Variants in GALNT18 observed in about 807,000 individuals in gnomAD.
The protein encoded by GALNT18 is polypeptide N-acetylgalactosaminyltransferase 18.
A neutral mutation model predicts 69.5 loss-of-function variants in GALNT18; 44 were observed. That is an observed-to-expected ratio of 0.63 (90% CI 0.50 to 0.81). GALNT18 has a LOEUF of 0.81. Ranked by LOEUF, GALNT18 falls within the 40% of genes least tolerant of loss-of-function variation. GALNT18 has a pLI of 0.00. For missense variants in GALNT18, 715 were observed against 810.0 expected (o/e 0.88, Z 1.42); for synonymous variants, 364 against 318.2 (o/e 1.14, Z -1.53).
At position 11,382,132 on chromosome 11, in the gene GALNT18, G is replaced by C. The variant is rs1853935745; in HGVS notation, c.596-2868C>G. Among the ~76,000 whole-genome samples, 1 of 152,170 alleles carries C rather than the reference G, an allele frequency of 6.6e-6. No individual in the cohort carries two copies. The highest frequency in any genetic ancestry group is 1.5e-5 in the Non-Finnish European group (1 of 68,036). On this transcript the variant is annotated intron_variant, in intron 3 of 10. Transcript: ENST00000227756. This position sits in a 1 kb window ranked among gnomAD's most constrained non-coding sequence, Gnocchi z 4.3. ...TAGAGTAAAGGCTTCTGGTGGACCA[G>C]ATAGTAGAAAAATTCCATCCCCAGT...
chr11:11,336,980 AG>A (rs1026635188), intron 7 of GALNT18, among the ~76,000 whole-genome samples: 10 of 152,278 alleles, frequency 6.6e-5, no homozygotes, highest in African/African-American at 2.2e-4. Context: ...GGAGGTAAAC[AG>A]TCAAAGAGGG....
At chr11:11,359,905 G>A (rs1850606743) in intron 6 of GALNT18, among the ~76,000 whole-genome samples, 1 of 152,126 alleles carries the variant, frequency 6.6e-6, no homozygotes, top group Non-Finnish European at 1.5e-5. Flanking sequence ...TTTCCTCCAG[G>A]TTTCTAATTT....
chr11:11,566,035 C>A (rs888551666), intron 1 of GALNT18, among the ~76,000 whole-genome samples: 7 of 152,112 alleles, frequency 4.6e-5, no homozygotes, highest in Admixed American at 1.3e-4. Flanking sequence ...ATGGAGCATG[C>A]AGAACATAGG....
chr11:11,282,941 G>T (rs78454796), intron 10 of GALNT18, among the ~76,000 whole-genome samples: 55,220 of 151,870 alleles, frequency 0.36, 10,631 homozygotes, highest in Middle Eastern at 0.51. Context: ...GAGGCTCGGG[G>T]TGGTGGAGAG....
chr11:11,600,070 C>T lies in GALNT18; in HGVS notation c.235+21289G>A, dbSNP rs1269435084. ...CTATTCCCTCCTCCATATTTTTGTG[C>T]TTCCTGTTAATATATATTACATTTC... is the stretch of plus-strand genomic sequence containing the variant. On this transcript the variant is annotated intron_variant, in intron 1 of 10. Transcript: ENST00000227756. The surrounding 1 kb of genome is among the most constrained non-coding windows in gnomAD (Gnocchi z 4.8). 1.3e-5 allele frequency among the ~76,000 whole-genome samples: 2 copies of T among 151,980 alleles called. No homozygotes were observed. The highest frequency in any genetic ancestry group is 4.8e-5 in the African/African-American group (2 of 41,426).
At chr11:11,417,058 G>A (rs1325485403) in intron 3 of GALNT18, among the ~76,000 whole-genome samples, 5 of 152,180 alleles carry the variant, frequency 3.3e-5, no homozygotes, top group Non-Finnish European at 7.3e-5. Context: ...TTGGACCAGG[G>A]AACCTGATTC....
intron 1 of GALNT18, among the ~76,000 whole-genome samples, chr11:11,525,478 T>G (rs1381964354): frequency 1.3e-5 from 2 of 151,770 alleles, no homozygotes; most frequent in Non-Finnish European, 2.9e-5. Flanking sequence ...TAAGACTTGA[T>G]TGGATGAGGT....
chr11:11,379,262 CCT>C lies in GALNT18; in HGVS notation c.596_597del (p.Glu199GlyfsTer52). ...TATTCGGTCAGCTTCTCCTTCAGTT[CCT>C]CTGTCAGGGAGAAAATGCAGCCTTA... ...IILVDDNSSN[E>X]ELKEKLTEYV... On this transcript the variant is annotated frameshift_variant and splice_region_variant, in exon 4 of 11. Coordinates refer to ENST00000227756, the MANE Select transcript of GALNT18 (RefSeq NM_198516.3). LOFTEE classifies it high-confidence loss of function. The C allele has an allele frequency of 6.2e-7, 1 of 1,611,478 alleles. No homozygotes were observed. The highest frequency in any genetic ancestry group is 8.5e-7 in the Non-Finnish European group (1 of 1,179,122).
chr11:11,525,148 A>T (rs1286267484), intron 1 of GALNT18, among the ~76,000 whole-genome samples: 1 of 152,214 alleles, frequency 6.6e-6, no homozygotes, highest in Non-Finnish European at 1.5e-5. Context: ...TTGCCGGAAT[A>T]TAGACAGGGT....
At chr11:11,275,550 G>A (rs190194434) in intron 10 of GALNT18, among the ~76,000 whole-genome samples, 44 of 152,292 alleles carry the variant, frequency 2.9e-4, no homozygotes, top group Non-Finnish European at 5.6e-4. Flanking sequence ...GATCCCATTT[G>A]TCAATTTTGG....
chr11:11,491,296 A>G (rs1358895980), intron 1 of GALNT18, among the ~76,000 whole-genome samples: 3 of 152,210 alleles, frequency 2.0e-5, no homozygotes, highest in Non-Finnish European at 4.4e-5. Flanking sequence ...CAAAAAAGAT[A>G]TACTATCATC....
rs566062716 is a variant in GALNT18, at chr11:11,554,476, G to A, written c.235+66883C>T. Among the ~76,000 whole-genome samples the A allele has an allele frequency of 6.1e-5, 9 of 147,190 alleles. No homozygotes were observed. In the East Asian group the frequency reaches 1.8e-3, roughly 29 times the overall value. On this transcript the variant is annotated intron_variant, in intron 1 of 10. Coordinates refer to ENST00000227756, the MANE Select transcript of GALNT18 (RefSeq NM_198516.3). ...CTGTGCTTGTCAGCAAGTGTTACTT[G>A]AAAAAAAAAATGAGGGGGAGGGATG...
chr11:11,336,648 G>GGTAAATCT (rs1183438657), intron 7 of GALNT18, among the ~76,000 whole-genome samples: 1 of 152,176 alleles, frequency 6.6e-6, no homozygotes, highest in Non-Finnish European at 1.5e-5. Flanking sequence ...AGGGATTGGG[G>GGTAAATCT]CATAGCTATC....
At chr11:11,516,922 C>A (rs887635146) in intron 1 of GALNT18, among the ~76,000 whole-genome samples, 4 of 152,230 alleles carry the variant, frequency 2.6e-5, no homozygotes, top group Non-Finnish European at 5.9e-5. Context: ...CCACAAAGTT[C>A]ATACGGTGAA....
chr11:11,527,285 C>T (rs891976394), intron 1 of GALNT18, among the ~76,000 whole-genome samples: 1 of 152,194 alleles, frequency 6.6e-6, no homozygotes, highest in Admixed American at 6.5e-5. Flanking sequence ...CTATGTTTCA[C>T]TATCTAAGAC....
intron 5 of GALNT18, among the ~76,000 whole-genome samples, chr11:11,373,129 T>C (rs1055495986): frequency 2.6e-5 from 4 of 152,184 alleles, no homozygotes; most frequent in African/African-American, 9.7e-5. Flanking sequence ...GGTAAATAGG[T>C]GTCCATGAGG....
rs559372139 is a variant in GALNT18 at position 11,340,587 on chromosome 11, A to G, written c.1278+232T>C. Among the ~76,000 whole-genome samples the G allele has an allele frequency of 1.4e-3, 214 of 152,330 alleles. No individual in the cohort carries two copies. The highest frequency in any genetic ancestry group is 2.3e-3 in the Non-Finnish European group (157 of 68,018). ...AAAATTAGGACACTAAGATCCAGAG[A>G]GAAGTCCTCATCAAGCATGCTGACC... On this transcript the variant is annotated intron_variant, in intron 7 of 10. Transcript: ENST00000227756. This position sits in a 1 kb window ranked among gnomAD's most constrained non-coding sequence, Gnocchi z 4.2.
At position 11,461,003 on chromosome 11, in the gene GALNT18, G is replaced by A. The variant is rs188990178; in HGVS notation, c.236-12067C>T. Among the ~76,000 whole-genome samples the A allele has an allele frequency of 8.7e-4, 132 of 152,334 alleles. 1 individual carries two copies. Among genetic ancestry groups the A allele is most frequent in the Admixed American group, 1.6e-3 (25 of 15,298 alleles). ...GAGGTACTGGCAAGAGTTAGGGAAG[G>A]CAACTCCAGCTAGGTGGGCTAGGAC... is the stretch of plus-strand genomic sequence containing the variant. On this transcript the variant is annotated intron_variant, in intron 1 of 10. Coordinates refer to ENST00000227756, the MANE Select transcript of GALNT18 (RefSeq NM_198516.3). The surrounding 1 kb of genome is among the most constrained non-coding windows in gnomAD (Gnocchi z 4.1).
chr11:11,543,331 T>C lies in GALNT18; in HGVS notation c.235+78028A>G, dbSNP rs112221623. On this transcript the variant is annotated intron_variant, in intron 1 of 10. Transcript: ENST00000227756. The surrounding 1 kb of genome is among the most constrained non-coding windows in gnomAD (Gnocchi z 5.1). ...TGTCCACTGTCTTAGCTTCATTCTC[T>C]CATGGCAGGAATCCTTAGTAGGCCA... is the stretch of plus-strand genomic sequence containing the variant. Among the ~76,000 whole-genome samples the C allele has an allele frequency of 2.6e-3, 401 of 152,314 alleles. 2 individuals carry two copies. Among genetic ancestry groups the C allele is most frequent in the South Asian group, 4.6e-3 (22 of 4,824 alleles).
Sources: allele counts gnomAD v4.1 joint callset (sites outside exome capture counted in the v4.1 genomes callset), GRCh38; gene constraint gnomAD v4.1.1; non-coding constraint Gnocchi (gnomAD v3.1); transcripts MANE v1.5; gene names NCBI Gene and HGNC (gene_info 2026-07-23, HGNC 2026-07-21).